Variants in DOCK8 observed in about 807,000 individuals in gnomAD.
The protein encoded by DOCK8 is dedicator of cytokinesis protein 8.
A neutral mutation model predicts 245.6 loss-of-function variants in DOCK8; 141 were observed. That is an observed-to-expected ratio of 0.57 (90% CI 0.50 to 0.66). The LOEUF is 0.66. Ranked by LOEUF, DOCK8 falls within the 30% of genes least tolerant of loss-of-function variation. The pLI is 0.00. For synonymous variants in DOCK8, 1,168 were observed against 970.2 expected (o/e 1.20, Z -3.79); for missense variants, 2,965 against 2,603.4 (o/e 1.14, Z -3.02).
chr9:358,611 G>A (rs1214365732), intron 14 of DOCK8, among the ~76,000 whole-genome samples: 1 of 152,204 alleles, frequency 6.6e-6, no homozygotes, highest in Admixed American at 6.5e-5. Flanking sequence ...CAGTTTGGGA[G>A]GCCGAGGTGG....
chr9:353,455 G>T (rs1451247755), intron 14 of DOCK8, among the ~76,000 whole-genome samples: 2 of 152,198 alleles, frequency 1.3e-5, no homozygotes, highest in Non-Finnish European at 2.9e-5. Context: ...AATGGGTAGA[G>T]AACTAATAAA....
In DOCK8 at chr9:312,082, C is replaced by T. The variant is rs368709669; in HGVS notation, c.657C>T (p.Ala219=). The change falls in exon 6 of 48, where the codon GCC becomes GCT. Residue 219 remains alanine (A), a synonymous_variant. Transcript: ENST00000432829. ...RLENLLQQVS[A]EDFEKQNEEA... is the part of the protein sequence containing the mutation. Reference sequence around the variant, plus strand: ...AAAACCTCCTGCAGCAAGTGAGTGCCGAGGACTTTGAGAAGCAGAACGAGG... The same window carrying T: ...AAAACCTCCTGCAGCAAGTGAGTGCTGAGGACTTTGAGAAGCAGAACGAGG... 438 of 1,614,026 alleles carry T rather than the reference C, an allele frequency of 2.7e-4. 1 individual carries two copies. The highest frequency in any genetic ancestry group is 4.7e-4 in the Admixed American group (28 of 60,000).
At chr9:410,971 C>T (rs2055695343) in intron 28 of DOCK8, among the ~76,000 whole-genome samples, 2 of 152,106 alleles carry the variant, frequency 1.3e-5, no homozygotes, top group Non-Finnish European at 2.9e-5. Flanking sequence ...AAATTGATAA[C>T]CTAGATTAAA....
Position 439,306 on chromosome 9 carries a change from A to C in DOCK8, c.5141A>C (p.Glu1714Ala). 1 of 1,614,122 alleles carries C rather than the reference A, an allele frequency of 6.2e-7. No homozygotes were observed. Among genetic ancestry groups the C allele is most frequent in the Non-Finnish European group, 8.5e-7 (1 of 1,180,016 alleles). ...VVSEDTLSPD[E>A]DGVCAGQYFT... ...TCTGAGGACACCCTGTCACCTGACG[A>C]GGATGGGGTGTGCGCAGGCCAGTAC... Residue 1714 changes from glutamate to alanine, a missense_variant, in exon 40 of 48, where the codon GAG becomes GCG. This residue lies in a region of DOCK8 where 2,825 missense variants were observed against 2,453.5 expected (regional missense o/e 1.15). Transcript: ENST00000432829.
At chr9:378,731 G>A (rs2053618572) in intron 20 of DOCK8, among the ~76,000 whole-genome samples, 1 of 152,220 alleles carries the variant, frequency 6.6e-6, no homozygotes, top group African/African-American at 2.4e-5. Context: ...TGTGGTGTGA[G>A]GACCACAGGG....
At chr9:227,117 G>A (rs1222612947) in intron 1 of DOCK8, among the ~76,000 whole-genome samples, 1 of 152,136 alleles carries the variant, frequency 6.6e-6, no homozygotes, top group Non-Finnish European at 1.5e-5. Flanking sequence ...GCATGTATGA[G>A]TGTATGTATG....
At chr9:305,654 G>C (rs7857705) in intron 5 of DOCK8, among the ~76,000 whole-genome samples, 1 of 152,018 alleles carries the variant, frequency 6.6e-6, no homozygotes, top group Non-Finnish European at 1.5e-5. Flanking sequence ...TGTGAAATGA[G>C]CTTTTAACAC....
intron 1 of DOCK8, among the ~76,000 whole-genome samples, chr9:217,029 T>C (rs2046772164): frequency 6.6e-6 from 1 of 152,156 alleles, no homozygotes; most frequent in East Asian, 1.9e-4. Context: ...CTACTTCTTA[T>C]GACTGTGGGG....
chr9:277,964 G>A (rs142034700), intron 2 of DOCK8, among the ~76,000 whole-genome samples: 1 of 152,258 alleles, frequency 6.6e-6, no homozygotes, highest in Non-Finnish European at 1.5e-5. Flanking sequence ...TGATAAATAT[G>A]GTCCTCTTTT....
In DOCK8 at chr9:289,527, A is replaced by G. The variant is rs1343319533; in HGVS notation, c.350A>G (p.His117Arg). The G allele has an allele frequency of 6.2e-7, 1 of 1,613,650 alleles. No individual in the cohort carries two copies. The highest frequency in any genetic ancestry group is 1.7e-5 in the Admixed American group (1 of 60,012). ...CTCATTAGGGTTGAACTGGACCCTC[A>G]TGTCAGGGACTGTGTTCAGACCTAC... Reference protein sequence around the residue: ...LPEEGVELDPHVRDCVQTYIR... With the variant: ...LPEEGVELDPRVRDCVQTYIR... The change falls in exon 4 of 48, where the codon CAT becomes CGT. Residue 117 changes from histidine to arginine, a missense_variant. His to Arg is a conservative substitution (Grantham distance 29). Around this residue, in one of 3 missense-constraint regions of DOCK8, gnomAD observed 2,825 missense variants for 2,453.5 expected, o/e 1.15. Transcript: ENST00000432829.
At chr9:258,316 A>G (rs2047829737) in intron 1 of DOCK8, among the ~76,000 whole-genome samples, 1 of 151,372 alleles carries the variant, frequency 6.6e-6, no homozygotes, top group African/African-American at 2.4e-5. Context: ...AAATAGCACC[A>G]TTATAGGCCC....
At chr9:430,809 T>G (rs781090038) in intron 36 of DOCK8, among the ~76,000 whole-genome samples, 16 of 152,156 alleles carry the variant, frequency 1.1e-4, no homozygotes, top group Non-Finnish European at 1.9e-4. Context: ...AGTGCCAGAA[T>G]GACCTGTGGA....
intron 1 of DOCK8, among the ~76,000 whole-genome samples, chr9:251,512 C>A (rs1216896526): frequency 6.6e-6 from 1 of 152,166 alleles, no homozygotes; most frequent in Non-Finnish European, 1.5e-5. Context: ...GCATGCTAAG[C>A]TTTCCATTGC....
intron 1 of DOCK8, among the ~76,000 whole-genome samples, chr9:226,506 G>A (rs946538030): frequency 5.3e-5 from 8 of 152,142 alleles, no homozygotes; most frequent in African/African-American, 1.9e-4. Flanking sequence ...GAATCCAGGG[G>A]AAAGATGACG....
At chr9:345,997 A>G (rs1326817596) in intron 14 of DOCK8, among the ~76,000 whole-genome samples, 1 of 152,032 alleles carries the variant, frequency 6.6e-6, no homozygotes, top group Non-Finnish European at 1.5e-5. Flanking sequence ...AGGAATGACC[A>G]GGGGCTCCCA....
chr9:266,650 A>G (rs540232062), intron 1 of DOCK8, among the ~76,000 whole-genome samples: 1 of 152,278 alleles, frequency 6.6e-6, no homozygotes. Flanking sequence ...ATTGTATATC[A>G]TAATTATCTG....
At chr9:453,667 T>G (rs541049026) in intron 46 of DOCK8, among the ~76,000 whole-genome samples, 2 of 152,184 alleles carry the variant, frequency 1.3e-5, no homozygotes, top group Admixed American at 6.5e-5. Flanking sequence ...CCTCAAATGA[T>G]CCACCTGCCT....
intron 20 of DOCK8, among the ~76,000 whole-genome samples, chr9:379,014 T>A (rs1274467434): frequency 6.6e-6 from 1 of 151,990 alleles, no homozygotes; most frequent in African/African-American, 2.4e-5. Context: ...ACAGGGTCGG[T>A]ATGATTTTGT....
At chr9:239,208 C>T (rs1384020333) in intron 1 of DOCK8, among the ~76,000 whole-genome samples, 2 of 152,198 alleles carry the variant, frequency 1.3e-5, no homozygotes, top group Non-Finnish European at 2.9e-5. Flanking sequence ...TACACACACG[C>T]ATGGCCGCAC....
Sources: gnomAD v4.1 joint callset for allele counts (sites outside exome capture counted in the v4.1 genomes callset) on GRCh38, gnomAD v4.1.1 for gene constraint, gnomAD v4.1.1 regional missense constraint, MANE v1.5 for transcripts, NCBI Gene and HGNC (gene_info 2026-07-23, HGNC 2026-07-21) for gene names.